The following GOLGA7 variants were observed in gnomAD, a reference collection of about 807,000 sequenced individuals.
The protein encoded by GOLGA7 is golgin A7.
In GOLGA7, 10 loss-of-function variants were observed where a neutral mutation model predicts 21.1. The observed-to-expected ratio is 0.47, with a 90% CI of 0.29 to 0.80. The LOEUF (loss-of-function observed/expected upper bound fraction) is 0.80, where lower values mean the gene tolerates loss of function less well. Among genes scored for constraint, GOLGA7 ranks in the 30% least tolerant of loss-of-function variants. The pLI, the probability that GOLGA7 is intolerant of heterozygous loss-of-function variation, is 0.08. For synonymous variants in GOLGA7, 64 were observed against 62.6 expected, an observed-to-expected ratio of 1.02 and a Z score of -0.10; for missense variants, 114 against 166.8, an observed-to-expected ratio of 0.68 and a Z score of 1.74.
chr8:41,499,512 TC>T (rs1279004490), intron 2 of GOLGA7, among the ~76,000 whole-genome samples: 2 of 152,126 alleles, frequency 1.3e-5, no homozygotes, highest in East Asian at 1.9e-4. Context: ...GAGATAGTTT[TC>T]CCCTGGAGTC....
chr8:41,497,409 C>A, intron 1 of GOLGA7, 100 bp from the exon 2 acceptor site: 2 of 676,482 alleles, frequency 3.0e-6, no homozygotes, highest in South Asian at 2.3e-5. Flanking sequence ...AAAAAATTGT[C>A]AACTAAGAAT....
intron 1 of GOLGA7, among the ~76,000 whole-genome samples, chr8:41,491,728 C>T (rs1029239221): frequency 6.6e-6 from 1 of 151,656 alleles, no homozygotes; most frequent in African/African-American, 2.4e-5. Context: ...GGAGTGTGTG[C>T]GTGCCTGCCT....
At chr8:41,497,472 TCCAAAAC>T in intron 1 of GOLGA7, 30 bp from the exon 2 acceptor site, 1 of 1,206,844 alleles carries the variant, frequency 8.3e-7, no homozygotes, top group African/African-American at 1.5e-5. Context: ...ATTTTTTTTT[TCCAAAAC>T]TTAATTTTTA....
upstream of GOLGA7, chr8:41,490,414 C>G (rs1805849099): frequency 1.3e-5 from 2 of 159,306 alleles, no homozygotes; most frequent in Admixed American, 6.5e-5. Context: ...CGGGGTCGGC[C>G]CTGGCCCCGC....
chr8:41,500,183 A>T (rs985241808), intron 2 of GOLGA7, among the ~76,000 whole-genome samples: 2 of 152,238 alleles, frequency 1.3e-5, no homozygotes, highest in Admixed American at 1.3e-4. Context: ...GCTGATAATA[A>T]CAAGGAAACA....
At chr8:41,504,303 T>C (rs890426550) in intron 2 of GOLGA7, among the ~76,000 whole-genome samples, 4 of 152,178 alleles carry the variant, frequency 2.6e-5, no homozygotes, top group African/African-American at 9.6e-5. Flanking sequence ...TTTTTCTGAG[T>C]GTCTTCCCTA....
intron 1 of GOLGA7, among the ~76,000 whole-genome samples, chr8:41,496,239 T>G (rs1482376942): frequency 1.3e-5 from 2 of 152,074 alleles, no homozygotes; most frequent in Non-Finnish European, 2.9e-5. Flanking sequence ...ATGGAAAAGA[T>G]ACATGGCAGC....
At chr8:41,508,608 C>T (rs1032704783) in intron 4 of GOLGA7, among the ~76,000 whole-genome samples, 1 of 152,206 alleles carries the variant, frequency 6.6e-6, no homozygotes, top group Non-Finnish European at 1.5e-5. Context: ...TGTCATGACT[C>T]ATTTTGCAGC....
intron 2 of GOLGA7, among the ~76,000 whole-genome samples, chr8:41,498,855 G>A (rs1806082507): frequency 6.6e-6 from 1 of 152,166 alleles, no homozygotes; most frequent in Non-Finnish European, 1.5e-5. Flanking sequence ...ATAAATGACT[G>A]TAAATTAATC....
intron 1 of GOLGA7, among the ~76,000 whole-genome samples, chr8:41,496,778 T>C (rs886971117): frequency 1.3e-5 from 2 of 150,736 alleles, no homozygotes; most frequent in Admixed American, 6.6e-5. Context: ...TATTTGCCTA[T>C]ATGATAGTAC....
Position 41,490,605 on chromosome 8 carries a change from G to T in GOLGA7, c.-250G>T, listed in dbSNP as rs1243465931. 6 of 501,146 alleles carry T rather than the reference G, an allele frequency of 1.2e-5. No individual in the cohort carries two copies. The highest frequency in any genetic ancestry group is 5.3e-4 in the Middle Eastern group (1 of 1,900). The allele number at this position is 501,146 out of a possible 1,614,324, so 31.0% of individuals were successfully genotyped here. A position where few individuals can be genotyped will look rare whatever the true frequency, so the allele number is the denominator to read the frequency against. On this transcript the variant is annotated 5_prime_UTR_variant, in exon 1 of 5. Transcript: ENST00000357743. The stretch of plus-strand genomic sequence containing the variant: ...AAGGCGGTGCGACAGCAGCTGGAGG[G>T]CAGAGGAGGCGGGTTTGTGTTTCCC...
chr8:41,493,460 C>T (rs1347434876), intron 1 of GOLGA7, among the ~76,000 whole-genome samples: 3 of 152,192 alleles, frequency 2.0e-5, no homozygotes, highest in African/African-American at 7.2e-5. Flanking sequence ...TGTCTGTTAA[C>T]AAGTTCATTT....
chr8:41,506,001 G>A lies in GOLGA7; in HGVS notation c.355G>A (p.Gly119Arg). The change falls in exon 3 of 5, where the codon GGA becomes AGA. Residue 119 changes from glycine (G) to arginine (R), a missense_variant. Coordinates refer to ENST00000357743, the MANE Select transcript of GOLGA7 (RefSeq NM_001002296.2). ...CCTCCTGACAGACCCTATTGAGCGA[G>A]GACTGCGAGTTGTATCTTTTTAGTT... ...GLLLTDPIERGLRVIEITIYE... is the reference protein window; with the variant it reads ...GLLLTDPIERRLRVIEITIYE... 1 of 1,522,918 alleles carries A rather than the reference G, an allele frequency of 6.6e-7. No individual in the cohort carries two copies. The allele number at this position is 1,522,918 out of a possible 1,614,324, so 94.3% of individuals were successfully genotyped here.
intron 4 of GOLGA7, among the ~76,000 whole-genome samples, chr8:41,507,976 T>A (rs1806328933): frequency 6.6e-6 from 1 of 152,228 alleles, no homozygotes. Flanking sequence ...GGGCACGTAC[T>A]ATGTGCCTGG....
chr8:41,499,882 C>T (rs944930844), intron 2 of GOLGA7, among the ~76,000 whole-genome samples: 11 of 152,228 alleles, frequency 7.2e-5, no homozygotes, highest in African/African-American at 2.7e-4. Flanking sequence ...TCCCTGCCTG[C>T]TTCTGTATGA....
upstream of GOLGA7, chr8:41,490,548 A>G (rs949686744): frequency 7.9e-6 from 3 of 378,496 alleles, no homozygotes; most frequent in African/African-American, 6.5e-5. Flanking sequence ...GGCGGGGAAG[A>G]GGCTTTTTGC....
At chr8:41,502,837 G>A (rs1197824046) in intron 2 of GOLGA7, among the ~76,000 whole-genome samples, 2 of 152,162 alleles carry the variant, frequency 1.3e-5, no homozygotes, top group African/African-American at 4.8e-5. Flanking sequence ...GGATTTGAAA[G>A]TAGCAGATAA....
At position 41,510,511 on chromosome 8, in the gene GOLGA7, T is replaced by G. The variant is rs1456018697; in HGVS notation, c.*943T>G. ...TTTTTAACTATCCCTAAGGCAAACC[T>G]TATGACCCACAGAATTTTCTCATAT... On this transcript the variant is annotated 3_prime_UTR_variant, in exon 5 of 5. Coordinates refer to ENST00000357743, the MANE Select transcript of GOLGA7 (RefSeq NM_001002296.2). 1 of 152,640 alleles carries G rather than the reference T, an allele frequency of 6.6e-6. No individual in the cohort carries two copies. Among genetic ancestry groups the G allele is most frequent in the African/African-American group, 2.4e-5 (1 of 41,448 alleles). The allele number at this position is 152,640 out of a possible 1,614,324, so 9.5% of individuals were successfully genotyped here. A position where few individuals can be genotyped will look rare whatever the true frequency, so the allele number is the denominator to read the frequency against.
intron 2 of GOLGA7, among the ~76,000 whole-genome samples, chr8:41,498,405 G>C (rs1434318645): frequency 6.6e-6 from 1 of 152,144 alleles, no homozygotes; most frequent in Non-Finnish European, 1.5e-5. Flanking sequence ...TTTTACCACT[G>C]AGTAAAATTC....
Sources: allele counts gnomAD v4.1 joint callset (sites outside exome capture counted in the v4.1 genomes callset), GRCh38; gene constraint gnomAD v4.1.1; transcripts MANE v1.5; gene names NCBI Gene and HGNC (gene_info 2026-07-23, HGNC 2026-07-21).